Variants in ADCY1 observed in about 807,000 individuals in gnomAD.
ADCY1 encodes adenylate cyclase type 1.
ADCY1 carries 28 observed loss-of-function variants against 105.4 expected under a neutral mutation model. That is an observed-to-expected ratio of 0.27 (90% confidence interval 0.20 to 0.36). The LOEUF (loss-of-function observed/expected upper bound fraction) is 0.36, where lower values mean the gene tolerates loss of function less well. ADCY1 is among the 10% of genes least tolerant of loss of function. ADCY1 has a pLI of 1.00. For missense variants in ADCY1, 977 were observed against 1,434.2 expected (o/e 0.68, Z 5.15); for synonymous variants, 655 against 623.8 (o/e 1.05, Z -0.75).
At chr7:45,685,534 G>A (rs2293105) in intron 12 of ADCY1, among the ~76,000 whole-genome samples, 22,790 of 151,754 alleles carry the variant, frequency 0.15, 2,189 homozygotes, top group Non-Finnish European at 0.21. Flanking sequence ...AGAGCTGGGG[G>A]CAGGAGGAAC....
At chr7:45,713,509 C>T (rs963162820) in intron 19 of ADCY1, among the ~76,000 whole-genome samples, 184 bp from the exon 20 acceptor site, 1 of 152,224 alleles carries the variant, frequency 6.6e-6, no homozygotes, top group Non-Finnish European at 1.5e-5. Context: ...AACATAGTGA[C>T]CCAAGTGATT....
At chr7:45,648,635 CT>C (rs961644475) in intron 4 of ADCY1, 34 bp from the exon 5 acceptor site, 2 of 1,613,526 alleles carry the variant, frequency 1.2e-6, no homozygotes, top group African/African-American at 1.3e-5. Flanking sequence ...CTCTGTAGCG[CT>C]GTCTCTTACC....
chr7:45,707,116 C>G (rs1785136865), intron 17 of ADCY1, among the ~76,000 whole-genome samples: 1 of 152,182 alleles, frequency 6.6e-6, no homozygotes, highest in South Asian at 2.1e-4. Context: ...GGAATGCAAT[C>G]TAGGACACCC....
Position 45,710,077 on chromosome 7 carries a change from A to G in ADCY1, c.2933-451A>G, listed in dbSNP as rs115370230. Among the ~76,000 whole-genome samples, 1,404 of 152,268 alleles carry G rather than the reference A, an allele frequency of 9.2e-3. 30 individuals are homozygous for G. Among genetic ancestry groups the G allele is most frequent in the African/African-American group, 0.032 (1,338 of 41,542 alleles). ...GGGGCCCATACTCTAAAATAGCCAT[A>G]AGGTCACATTCTGAGAAAAGGTCCG... On this transcript the variant is annotated intron_variant, in intron 18 of 19. Coordinates refer to ENST00000297323, the MANE Select transcript of ADCY1 (RefSeq NM_021116.4). This position sits in a 1 kb window ranked among gnomAD's most constrained non-coding sequence, Gnocchi z 4.7.
At chr7:45,628,284 C>G (rs1488233790) in intron 4 of ADCY1, among the ~76,000 whole-genome samples, 1 of 152,198 alleles carries the variant, frequency 6.6e-6, no homozygotes, top group East Asian at 1.9e-4. Context: ...GGGTTTTCCT[C>G]ACACCCCAAC....
At chr7:45,702,827 G>A (rs1387948670) in intron 14 of ADCY1, among the ~76,000 whole-genome samples, 24 of 152,234 alleles carry the variant, frequency 1.6e-4, no homozygotes, top group Admixed American at 1.6e-3. Context: ...TCGGCACTCA[G>A]ATGAGCTCAT....
chr7:45,614,082 T>C lies in ADCY1; in HGVS notation c.908+3585T>C, dbSNP rs140932829. Among the ~76,000 whole-genome samples, 522 of 152,316 alleles carry C rather than the reference T, an allele frequency of 3.4e-3. 2 individuals are homozygous for C. Among genetic ancestry groups the C allele is most frequent in the Middle Eastern group, 0.017 (5 of 294 alleles). On this transcript the variant is annotated intron_variant, in intron 3 of 19. Transcript: ENST00000297323. The stretch of plus-strand genomic sequence containing the variant: ...ATAGCATAAGAAAATACGATACTTA[T>C]TGGTAAAGTTTTATACATCAACAAA...
intron 19 of ADCY1, 45 bp from the exon 20 acceptor site, chr7:45,713,648 C>A: frequency 1.3e-6 from 1 of 751,926 alleles, no homozygotes; most frequent in East Asian, 2.4e-5. Flanking sequence ...CCAGAGGAGT[C>A]CCCCTCATTG....
rs574567687 is a variant in ADCY1 at position 45,708,490 on chromosome 7, C to G, written c.2932+26C>G. On this transcript the variant is annotated intron_variant, in intron 18 of 19. Transcript: ENST00000297323. The surrounding 1 kb of genome is among the most constrained non-coding windows in gnomAD (Gnocchi z 4.7). ...GTATGTGGCTCTAAACCTATCCTGTCCATCCATGTGGAACACCTTCCTACA... is the reference window on the plus strand; with the variant it reads ...GTATGTGGCTCTAAACCTATCCTGTGCATCCATGTGGAACACCTTCCTACA... 4 of 1,555,240 alleles carry G rather than the reference C, an allele frequency of 2.6e-6. No individual in the cohort carries two copies. The Admixed American group carries it at 6.7e-5, about 26-fold the overall frequency.
intron 8 of ADCY1, among the ~76,000 whole-genome samples, chr7:45,671,398 G>A (rs554995908): frequency 1.3e-5 from 2 of 152,260 alleles, no homozygotes; most frequent in African/African-American, 4.8e-5. Context: ...AAACATTGTC[G>A]TGCGAAATTT....
intron 14 of ADCY1, among the ~76,000 whole-genome samples, chr7:45,694,629 TAAC>T (rs1784847809): frequency 1.3e-5 from 2 of 152,130 alleles, no homozygotes; most frequent in Admixed American, 1.3e-4. Context: ...AGGAATAAAA[TAAC>T]AAGGAAGTAT....
At chr7:45,690,755 T>G (rs535237234) in intron 14 of ADCY1, among the ~76,000 whole-genome samples, 4 of 152,242 alleles carry the variant, frequency 2.6e-5, no homozygotes, top group Non-Finnish European at 4.4e-5. Flanking sequence ...CTCTTTATGA[T>G]GGGCTGTGTT....
intron 3 of ADCY1, among the ~76,000 whole-genome samples, chr7:45,618,528 C>T (rs914934362): frequency 1.3e-5 from 2 of 152,002 alleles, no homozygotes; most frequent in African/African-American, 4.8e-5. Flanking sequence ...AGCAAGAAAA[C>T]AAATAATCTG....
At chr7:45,660,334 C>T (rs978175657) in intron 7 of ADCY1, 151 bp downstream of exon 7, 8 of 1,121,156 alleles carry the variant, frequency 7.1e-6, no homozygotes, top group East Asian at 2.5e-5. Flanking sequence ...CCACTGACAC[C>T]GTCCTGAGCC....
At chr7:45,671,621 AG>A (rs1431274056) in intron 8 of ADCY1, among the ~76,000 whole-genome samples, 1 of 152,132 alleles carries the variant, frequency 6.6e-6, no homozygotes, top group Non-Finnish European at 1.5e-5. Flanking sequence ...TGTTCTAATA[AG>A]TATGTAGTGA....
At chr7:45,658,938 A>T (rs1795016297) in intron 6 of ADCY1, among the ~76,000 whole-genome samples, 1 of 152,218 alleles carries the variant, frequency 6.6e-6, no homozygotes, top group Non-Finnish European at 1.5e-5. Context: ...GGAGCATCCC[A>T]GCAGGGACTG....
chr7:45,578,212 T>G (rs1308053509), intron 1 of ADCY1, among the ~76,000 whole-genome samples: 1 of 151,998 alleles, frequency 6.6e-6, no homozygotes, highest in Non-Finnish European at 1.5e-5. Flanking sequence ...AGGGCTTAGC[T>G]CCTCCCCCGG....
rs1794741599 is a variant in ADCY1 at position 45,648,921 on chromosome 7, C to T, written c.1148+124C>T. 8 of 1,141,806 alleles carry T rather than the reference C, an allele frequency of 7.0e-6. No individual in the cohort carries two copies. The South Asian group carries it at 1.4e-4, about 19-fold the overall frequency. 70.7% of individuals were successfully genotyped at this position (1,141,806 alleles called of 1,614,324 possible). A position where few individuals can be genotyped will look rare whatever the true frequency, so the allele number is the denominator to read the frequency against. ...AGGGTCTCGCTTTGTCCTGATGGGT[C>T]TGTCTGAGGCTGCAGAGAATGATGC... On this transcript the variant is annotated intron_variant, in intron 5 of 19. Coordinates refer to ENST00000297323, the MANE Select transcript of ADCY1 (RefSeq NM_021116.4).
At chr7:45,593,346 G>A (rs1792982142) in intron 2 of ADCY1, among the ~76,000 whole-genome samples, 2 of 152,230 alleles carry the variant, frequency 1.3e-5, no homozygotes, top group Non-Finnish European at 2.9e-5. Flanking sequence ...AGGCAGAGAT[G>A]CCCTTTTGCT....
Sources: allele counts gnomAD v4.1 joint callset (sites outside exome capture counted in the v4.1 genomes callset), GRCh38; gene constraint gnomAD v4.1.1; non-coding constraint Gnocchi (gnomAD v3.1); transcripts MANE v1.5; gene names NCBI Gene and HGNC (gene_info 2026-07-23, HGNC 2026-07-21).